Variants in AP3B1 observed in about 807,000 individuals in gnomAD.
The protein encoded by AP3B1 is AP-3 complex subunit beta-1.
In AP3B1, 61 loss-of-function variants were observed where a neutral mutation model predicts 132.5. The observed-to-expected ratio is 0.46, with a 90% confidence interval of 0.37 to 0.57. The LOEUF (loss-of-function observed/expected upper bound fraction) is 0.57. Among genes scored for constraint, AP3B1 ranks in the 20% least tolerant of loss-of-function variants. The pLI, the probability that AP3B1 is intolerant of heterozygous loss-of-function variation, is 0.00. For synonymous variants in AP3B1, 388 were observed against 438.3 expected (o/e 0.89, Z 1.43); for missense variants, 1,120 against 1,289.4 (o/e 0.87, Z 2.01).
intron 7 of AP3B1, among the ~76,000 whole-genome samples, chr5:78,196,160 A>G (rs561242306): frequency 1.3e-4 from 20 of 152,294 alleles, no homozygotes; most frequent in African/African-American, 4.8e-4. Context: ...CAAAATATAC[A>G]AAGAGTTCCT....
chr5:78,097,554 A>G (rs1411387035), intron 21 of AP3B1, among the ~76,000 whole-genome samples: 7 of 58,046 alleles, frequency 1.2e-4, no homozygotes, highest in Admixed American at 4.5e-4. Flanking sequence ...TCCGGGAGGG[A>G]GGTAGGGGGT....
chr5:78,067,048 C>T (rs1198976211), intron 22 of AP3B1, among the ~76,000 whole-genome samples: 1 of 152,120 alleles, frequency 6.6e-6, no homozygotes, highest in Non-Finnish European at 1.5e-5. Flanking sequence ...CCCAGAATTT[C>T]ATATCTGGCC....
intron 17 of AP3B1, among the ~76,000 whole-genome samples, chr5:78,125,616 T>TA (rs1752424340): frequency 6.6e-6 from 1 of 152,202 alleles, no homozygotes; most frequent in African/African-American, 2.4e-5. Context: ...CCTCATAGTA[T>TA]AATTTTAAGC....
chr5:78,215,916 TA>T, intron 7 of AP3B1, 138 bp downstream of exon 7: 1 of 766,812 alleles, frequency 1.3e-6, no homozygotes, highest in South Asian at 1.7e-5. Context: ...CCTGCTTTAG[TA>T]AAAGAACAAG....
intron 2 of AP3B1, among the ~76,000 whole-genome samples, chr5:78,246,563 G>T (rs553561773): frequency 1.7e-4 from 26 of 152,164 alleles, no homozygotes; most frequent in Middle Eastern, 3.4e-3. Context: ...TTCTTCTTGA[G>T]TAAACATCAT....
chr5:78,015,263 A>G, intron 26 of AP3B1, 147 bp downstream of exon 26: 1 of 830,816 alleles, frequency 1.2e-6, no homozygotes, highest in Non-Finnish European at 1.9e-6. Flanking sequence ...GCAATCAACA[A>G]CTATACCATC....
At chr5:78,121,444 C>CAT in intron 17 of AP3B1, among the ~76,000 whole-genome samples, 1 of 152,028 alleles carries the variant, frequency 6.6e-6, no homozygotes, top group African/African-American at 2.4e-5. Flanking sequence ...TGATAGACTG[C>CAT]TAGCAAGACT....
At chr5:78,234,097 A>G (rs1746773518) in intron 3 of AP3B1, among the ~76,000 whole-genome samples, 1 of 152,148 alleles carries the variant, frequency 6.6e-6, no homozygotes. Context: ...TCCAACAAGA[A>G]ATTTACAACT....
intron 22 of AP3B1, among the ~76,000 whole-genome samples, chr5:78,048,804 T>G (rs1025827571): frequency 1.3e-5 from 2 of 152,200 alleles, no homozygotes; most frequent in Non-Finnish European, 1.5e-5. Context: ...CTACTTAACC[T>G]AGTTCAAATT....
chr5:78,071,260 G>A (rs956900166), intron 22 of AP3B1, among the ~76,000 whole-genome samples: 1 of 152,180 alleles, frequency 6.6e-6, no homozygotes, highest in African/African-American at 2.4e-5. Context: ...CCTTCACAGG[G>A]ACATGGCTGG....
chr5:78,043,834 A>G (rs1373816986), intron 22 of AP3B1: 3 of 365,828 alleles, frequency 8.2e-6, no homozygotes, highest in Non-Finnish European at 1.6e-5. Flanking sequence ...ACCAGGGAAT[A>G]CACCCTGACT....
intron 7 of AP3B1, among the ~76,000 whole-genome samples, chr5:78,209,162 C>T (rs192102943): frequency 3.9e-5 from 6 of 152,094 alleles, no homozygotes; most frequent in South Asian, 2.1e-4. Flanking sequence ...CCCCTTCTCA[C>T]GACCAAGGGC....
intron 6 of AP3B1, chr5:78,222,620 C>G (rs534601759): frequency 5.9e-4 from 89 of 151,922 alleles, no homozygotes; most frequent in African/African-American, 2.1e-3. Flanking sequence ...AAAGTAAAGA[C>G]TCTTTGTCAT....
At chr5:78,033,703 T>A (rs72774599) in intron 24 of AP3B1, among the ~76,000 whole-genome samples, 34,796 of 151,864 alleles carry the variant, frequency 0.23, 4,248 homozygotes, top group Admixed American at 0.38. Flanking sequence ...ACGGCTTTGT[T>A]CTAATTTGCT....
intron 7 of AP3B1, among the ~76,000 whole-genome samples, chr5:78,207,083 C>T (rs1057142093): frequency 2.6e-5 from 4 of 151,826 alleles, no homozygotes; most frequent in Non-Finnish European, 5.9e-5. Flanking sequence ...CATGGTGAAA[C>T]CCCGTCTCTA....
At position 78,039,112 on chromosome 5, in the gene AP3B1, T is replaced by A; in HGVS notation, c.2740A>T (p.Ile914Leu). The change falls in exon 23 of 27, where the codon ATA becomes TTA. Residue 914 changes from isoleucine (I) to leucine (L), a missense_variant. Ile to Leu is a conservative substitution (Grantham distance 5). This residue lies in a region of AP3B1 where 906 missense variants were observed against 997.1 expected (regional missense o/e 0.91). Transcript: ENST00000255194. The part of the protein sequence containing the change: ...ITLNNTTDRK[I>L]ENIHIGEKKL... ...TTTTCCCCTATGTGGATATTTTCTA[T>A]CTTTCGATCAGTAGTGTTATTCAGT... 6.2e-7 allele frequency: 1 copy of A among 1,613,662 alleles called. No homozygotes were observed. The highest frequency in any genetic ancestry group is 8.5e-7 in the Non-Finnish European group (1 of 1,179,690).
At chr5:78,238,182 C>T (rs981678255) in intron 3 of AP3B1, among the ~76,000 whole-genome samples, 1 of 152,140 alleles carries the variant, frequency 6.6e-6, no homozygotes, top group African/African-American at 2.4e-5. Context: ...CTCATAGGAG[C>T]ACAAACCCTA....
chr5:78,158,030 T>A (rs536311269), intron 13 of AP3B1, among the ~76,000 whole-genome samples: 1 of 152,350 alleles, frequency 6.6e-6, no homozygotes, highest in South Asian at 2.1e-4. Context: ...ATTACCGGTG[T>A]GAGCCACCAT....
intron 7 of AP3B1, among the ~76,000 whole-genome samples, chr5:78,185,196 A>T (rs566548631): frequency 1.3e-5 from 2 of 152,222 alleles, no homozygotes; most frequent in African/African-American, 2.4e-5. Flanking sequence ...AAGCAGACCT[A>T]TCCTGAAAGA....
Sources: allele counts gnomAD v4.1 joint callset (sites outside exome capture counted in the v4.1 genomes callset), GRCh38; gene constraint gnomAD v4.1.1; regional missense constraint gnomAD v4.1.1; transcripts MANE v1.5; gene names NCBI Gene and HGNC (gene_info 2026-07-23, HGNC 2026-07-21).